The following SGCZ variants were observed in gnomAD, a reference collection of about 807,000 sequenced individuals.
SGCZ encodes the protein zeta-sarcoglycan.
A neutral mutation model predicts 41.3 loss-of-function variants in SGCZ; 40 were observed. The observed-to-expected ratio is 0.97, with a 90% CI of 0.75 to 1.26. SGCZ has a LOEUF of 1.26. Ranked by LOEUF, SGCZ falls within the 50% of genes most tolerant of loss-of-function variation. The pLI, the probability that SGCZ is intolerant of heterozygous loss-of-function variation, is 0.00. For synonymous variants in SGCZ, 206 were observed against 137.5 expected (o/e 1.50, Z -3.49); for missense variants, 552 against 369.8 (o/e 1.49, Z -4.04).
intron 1 of SGCZ, among the ~76,000 whole-genome samples, 182 bp from the exon 2 acceptor site, chr8:14,555,108 T>C (rs1803994757): frequency 6.6e-6 from 1 of 152,042 alleles, no homozygotes; most frequent in Non-Finnish European, 1.5e-5. Flanking sequence ...TTTTGTTCAA[T>C]ATAGTTTTTT....
intron 1 of SGCZ, among the ~76,000 whole-genome samples, chr8:14,563,673 T>A (rs1480464140): frequency 1.3e-5 from 2 of 152,072 alleles, no homozygotes; most frequent in Admixed American, 6.5e-5. Flanking sequence ...AGGTGAGATC[T>A]GGTACATAGC....
intron 1 of SGCZ, among the ~76,000 whole-genome samples, chr8:14,596,203 C>A (rs1329979433): frequency 3.9e-5 from 6 of 152,122 alleles, no homozygotes; most frequent in African/African-American, 4.8e-5. Flanking sequence ...CAGATGCAAC[C>A]CTTTATGACT....
rs80205245 is a variant in SGCZ, at chr8:14,996,007, G to A, written c.39+241578C>T. Among the ~76,000 whole-genome samples the A allele has an allele frequency of 6.3e-3, 964 of 152,094 alleles. 56 individuals are homozygous for A. The East Asian group carries it at 0.14, about 22-fold the overall frequency. ...CAACCTCTATCTCCCGGGTTCAGGT[G>A]ATTCTCCTGCCTCAGCCTCCCGAGT... On this transcript the variant is annotated intron_variant, in intron 1 of 7. Coordinates refer to ENST00000382080, the MANE Select transcript of SGCZ (RefSeq NM_139167.4).
At chr8:14,581,979 C>T (rs1005156827) in intron 1 of SGCZ, among the ~76,000 whole-genome samples, 3 of 152,106 alleles carry the variant, frequency 2.0e-5, no homozygotes, top group African/African-American at 4.8e-5. Flanking sequence ...TCCACCTCTA[C>T]TGCCTCTGCT....
At chr8:15,164,329 A>G (rs268410) in intron 1 of SGCZ, among the ~76,000 whole-genome samples, 138,767 of 152,008 alleles carry the variant, frequency 0.91, 63,369 homozygotes, top group East Asian at 1. Flanking sequence ...TTCCTTTTAC[A>G]GGACCCACCG....
At chr8:15,177,903 C>T (rs1429817558) in intron 1 of SGCZ, among the ~76,000 whole-genome samples, 1 of 152,142 alleles carries the variant, frequency 6.6e-6, no homozygotes, top group Non-Finnish European at 1.5e-5. Context: ...AGTTCAGCCT[C>T]CTGATATACC....
At chr8:14,222,658 A>G (rs896887032) in intron 4 of SGCZ, among the ~76,000 whole-genome samples, 7 of 152,228 alleles carry the variant, frequency 4.6e-5, no homozygotes, top group African/African-American at 1.4e-4. Flanking sequence ...CGAAAAATGA[A>G]ACTTTACTCC....
chr8:15,082,929 T>A (rs1410225323), intron 1 of SGCZ, among the ~76,000 whole-genome samples: 3 of 151,580 alleles, frequency 2.0e-5, no homozygotes, highest in Non-Finnish European at 4.4e-5. Flanking sequence ...TTCTAGCATT[T>A]TTTTTTCTAA....
At chr8:14,583,817 A>G (rs1804972783) in intron 1 of SGCZ, among the ~76,000 whole-genome samples, 2 of 134,390 alleles carry the variant, frequency 1.5e-5, no homozygotes, top group Non-Finnish European at 3.3e-5. Flanking sequence ...AATAATTTAT[A>G]TGGCAAAACA....
chr8:14,969,056 G>A (rs967272112), intron 1 of SGCZ, among the ~76,000 whole-genome samples: 1 of 151,980 alleles, frequency 6.6e-6, no homozygotes, highest in Admixed American at 6.6e-5. Context: ...CAAGTGTGAT[G>A]GATTGAGAAA....
intron 2 of SGCZ, among the ~76,000 whole-genome samples, chr8:14,510,651 T>A (rs1802441381): frequency 6.6e-6 from 1 of 152,166 alleles, no homozygotes; most frequent in Non-Finnish European, 1.5e-5. Context: ...GTGAGGCCTG[T>A]AAGGGCAGAT....
At chr8:15,159,731 GC>G (rs1177293742) in intron 1 of SGCZ, among the ~76,000 whole-genome samples, 9 of 8,190 alleles carry the variant, frequency 1.1e-3, no homozygotes, top group African/African-American at 2.0e-3. Context: ...CCTCGCCCCC[GC>G]CCCCCCCACC....
intron 1 of SGCZ, among the ~76,000 whole-genome samples, chr8:15,182,778 T>C (rs746574831): frequency 6.6e-6 from 1 of 152,246 alleles, no homozygotes; most frequent in Non-Finnish European, 1.5e-5. Context: ...TCAAAATAAA[T>C]CTCAGGTTAC....
At chr8:14,240,430 A>T (rs918820422) in intron 3 of SGCZ, among the ~76,000 whole-genome samples, 1 of 151,644 alleles carries the variant, frequency 6.6e-6, no homozygotes, top group Non-Finnish European at 1.5e-5. Flanking sequence ...CTCTAACCGC[A>T]GAGAATTTGT....
chr8:15,167,624 G>T (rs1799704411), intron 1 of SGCZ, among the ~76,000 whole-genome samples: 1 of 152,030 alleles, frequency 6.6e-6, no homozygotes, highest in African/African-American at 2.4e-5. Flanking sequence ...CAGACCAAGT[G>T]TAAGACTAAA....
At chr8:14,786,019 A>AGATATATCCCCTTTATTTTTAAAGGG (rs1366092594) in intron 1 of SGCZ, among the ~76,000 whole-genome samples, 2 of 133,058 alleles carry the variant, frequency 1.5e-5, no homozygotes, top group African/African-American at 7.3e-5. Flanking sequence ...TTCTGTTTAG[A>AGATATATCCCCTTTATTTTTAAAGGG]GATATATCCC....
At position 14,652,698 on chromosome 8, in the gene SGCZ, T is replaced by C. The variant is rs183536511; in HGVS notation, c.40-97772A>G. On this transcript the variant is annotated intron_variant, in intron 1 of 7. Coordinates refer to ENST00000382080, the MANE Select transcript of SGCZ (RefSeq NM_139167.4). The stretch of plus-strand genomic sequence containing the variant: ...GTTAGGTATAATATTAACACTAAAA[T>C]TGAATAGGAAAGGAAAGTTTGTTAA... Among the ~76,000 whole-genome samples the C allele has an allele frequency of 2.2e-4, 33 of 152,144 alleles. No individual in the cohort carries two copies. The East Asian group carries it at 5.8e-3, about 27-fold the overall frequency.
At chr8:14,954,470 CT>C (rs1313833740) in intron 1 of SGCZ, among the ~76,000 whole-genome samples, 2 of 152,114 alleles carry the variant, frequency 1.3e-5, no homozygotes, top group South Asian at 2.1e-4. Flanking sequence ...GGAGTTGCAG[CT>C]TGTTAAAACC....
chr8:14,756,827 A>G (rs1799684352), intron 1 of SGCZ, among the ~76,000 whole-genome samples: 2 of 152,248 alleles, frequency 1.3e-5, no homozygotes, highest in South Asian at 4.1e-4. Context: ...TGTCAGTGTT[A>G]TTTAATGAAA....
Sources: gnomAD v4.1 joint callset for allele counts (sites outside exome capture counted in the v4.1 genomes callset) on GRCh38, gnomAD v4.1.1 for gene constraint, MANE v1.5 for transcripts, NCBI Gene and HGNC (gene_info 2026-07-23, HGNC 2026-07-21) for gene names.